Variants in TAFA5 observed in about 807,000 individuals in gnomAD.
The protein encoded by TAFA5 is TAFA chemokine like family member 5.
TAFA5 carries 6 observed loss-of-function variants against 15.3 expected under a neutral mutation model. The ratio of observed to expected loss-of-function variants is 0.39; its 90% CI spans 0.21 to 0.77. The LOEUF (loss-of-function observed/expected upper bound fraction) is 0.77, where lower values mean the gene tolerates loss of function less well. TAFA5 is among the 30% of genes least tolerant of loss of function. TAFA5 has a pLI of 0.41. For missense variants in TAFA5, 161 were observed against 193.1 expected (o/e 0.83, Z 0.98); for synonymous variants, 103 against 80.7 (o/e 1.28, Z -1.48).
intron 1 of TAFA5, among the ~76,000 whole-genome samples, chr22:48,521,509 A>G (rs1361557636): frequency 6.6e-6 from 1 of 151,814 alleles, no homozygotes. Context: ...AAAGCACAAG[A>G]TAATCACCCA....
chr22:48,665,617 TC>T (rs1257440776), intron 2 of TAFA5, among the ~76,000 whole-genome samples: 1 of 152,178 alleles, frequency 6.6e-6, no homozygotes, highest in Admixed American at 6.5e-5. Flanking sequence ...ACCCGACAGA[TC>T]CAACATCATT....
chr22:48,651,850 G>A (rs1000130554), intron 2 of TAFA5, among the ~76,000 whole-genome samples: 9 of 152,132 alleles, frequency 5.9e-5, no homozygotes, highest in Admixed American at 1.3e-4. Context: ...CCCTGGCCAC[G>A]TACAGGAGTC....
At chr22:48,554,384 T>A (rs79814000) in intron 1 of TAFA5, among the ~76,000 whole-genome samples, 3 of 152,202 alleles carry the variant, frequency 2.0e-5, no homozygotes. Flanking sequence ...TCAAAATGAT[T>A]TACGATTAAT....
chr22:48,524,429 A>G (rs1921711102), intron 1 of TAFA5, among the ~76,000 whole-genome samples: 1 of 152,156 alleles, frequency 6.6e-6, no homozygotes, highest in South Asian at 2.1e-4. Context: ...GCCTTGGCCT[A>G]GGCGCTTGGT....
In TAFA5 at chr22:48,660,613, T is replaced by C. The variant is rs567703457; in HGVS notation, c.262+13867T>C. ...ATGTTCCTGTTTTCAGGAGAACAGCTGCATGTCCCAGGCGAATTCATCTCA... is the reference window on the plus strand; with the variant it reads ...ATGTTCCTGTTTTCAGGAGAACAGCCGCATGTCCCAGGCGAATTCATCTCA... On this transcript the variant is annotated intron_variant, in intron 2 of 3. Transcript: ENST00000402357. Among the ~76,000 whole-genome samples the C allele has an allele frequency of 1.4e-4, 22 of 152,376 alleles. No individual in the cohort carries two copies. In the South Asian group the frequency reaches 4.6e-3, roughly 32 times the overall value.
intron 2 of TAFA5, among the ~76,000 whole-genome samples, chr22:48,656,057 T>C (rs992562749): frequency 1.3e-5 from 2 of 151,578 alleles, no homozygotes; most frequent in African/African-American, 4.9e-5. Context: ...TTGGCCAGGC[T>C]GGTGTTGAAC....
At chr22:48,701,953 C>T (rs1928921079) in intron 2 of TAFA5, among the ~76,000 whole-genome samples, 1 of 152,158 alleles carries the variant, frequency 6.6e-6, no homozygotes, top group Admixed American at 6.5e-5. Context: ...GGAGCGGGAG[C>T]TGGCCTCTGT....
chr22:48,620,044 A>G (rs1925748195), intron 1 of TAFA5, among the ~76,000 whole-genome samples: 1 of 152,212 alleles, frequency 6.6e-6, no homozygotes, highest in Non-Finnish European at 1.5e-5. Flanking sequence ...AGGAAAAGAA[A>G]GCATGAGCCT....
intron 2 of TAFA5, among the ~76,000 whole-genome samples, chr22:48,691,727 A>C (rs1928548224): frequency 6.6e-6 from 1 of 152,150 alleles, no homozygotes; most frequent in Admixed American, 6.5e-5. Context: ...TCTGCTCAGG[A>C]GGAAGGCCAG....
intron 2 of TAFA5, among the ~76,000 whole-genome samples, chr22:48,681,856 C>T (rs111599044): frequency 0.02 from 1,114 of 56,630 alleles, 199 homozygotes; most frequent in African/African-American, 0.046. Flanking sequence ...CAAACACCAG[C>T]ACCCCGTCGT....
At chr22:48,510,319 A>G (rs142485687) in intron 1 of TAFA5, among the ~76,000 whole-genome samples, 2 of 152,346 alleles carry the variant, frequency 1.3e-5, no homozygotes, top group East Asian at 1.9e-4. Flanking sequence ...TCCAGAATAT[A>G]TTCATACAAG....
At chr22:48,623,041 G>C (rs66509952) in intron 1 of TAFA5, among the ~76,000 whole-genome samples, 7,682 of 152,346 alleles carry the variant, frequency 0.05, 328 homozygotes, top group African/African-American at 0.11. Flanking sequence ...CCATCTCTCT[G>C]TAATTACCCA....
chr22:48,613,283 C>T (rs1007129274), intron 1 of TAFA5, among the ~76,000 whole-genome samples: 6 of 152,136 alleles, frequency 3.9e-5, no homozygotes, highest in African/African-American at 1.4e-4. Context: ...TGGTCCCTTA[C>T]GTCTCTCCTG....
intron 2 of TAFA5, chr22:48,693,381 G>A: frequency 6.2e-7 from 1 of 1,612,650 alleles, no homozygotes; most frequent in South Asian, 1.1e-5. Flanking sequence ...GGAATGGCCA[G>A]GTGAGTCGGA....
chr22:48,701,592 A>G (rs1928907932), intron 2 of TAFA5, among the ~76,000 whole-genome samples: 1 of 152,078 alleles, frequency 6.6e-6, no homozygotes, highest in African/African-American at 2.4e-5. Context: ...TCTGTCCTCA[A>G]CTCCATTCAA....
At chr22:48,527,185 G>A (rs1921809178) in intron 1 of TAFA5, among the ~76,000 whole-genome samples, 1 of 152,240 alleles carries the variant, frequency 6.6e-6, no homozygotes, top group African/African-American at 2.4e-5. Flanking sequence ...TGTGGCTCTG[G>A]GGCAATGCTA....
chr22:48,726,126 G>GT (rs1477491118), intron 3 of TAFA5, among the ~76,000 whole-genome samples: 1 of 152,168 alleles, frequency 6.6e-6, no homozygotes, highest in African/African-American at 2.4e-5. Context: ...GAGACAAGAG[G>GT]GAGACTTATG....
At chr22:48,514,170 A>T (rs1350562942) in intron 1 of TAFA5, among the ~76,000 whole-genome samples, 8 of 152,052 alleles carry the variant, frequency 5.3e-5, no homozygotes, top group African/African-American at 9.7e-5. Flanking sequence ...TGCATATATG[A>T]GTGGGCTCGG....
At chr22:48,646,411 G>A (rs1157798066) in intron 1 of TAFA5, among the ~76,000 whole-genome samples, 186 bp from the exon 2 acceptor site, 2 of 152,220 alleles carry the variant, frequency 1.3e-5, no homozygotes, top group Non-Finnish European at 1.5e-5. Flanking sequence ...CCCAGCTCTG[G>A]CTTCCATCGA....
Sources: allele counts gnomAD v4.1 joint callset (sites outside exome capture counted in the v4.1 genomes callset), GRCh38; gene constraint gnomAD v4.1.1; transcripts MANE v1.5; gene names NCBI Gene and HGNC (gene_info 2026-07-23, HGNC 2026-07-21).